PDZD2: variants seen among roughly 807,000 people sequenced by gnomAD.
The protein encoded by PDZD2 is PDZ domain-containing protein 2.
A neutral mutation model predicts 220.7 loss-of-function variants in PDZD2; 90 were observed. That is an observed-to-expected ratio of 0.41 (90% CI 0.34 to 0.49). The LOEUF (loss-of-function observed/expected upper bound fraction) is 0.49, where lower values mean the gene tolerates loss of function less well. Ranked by LOEUF, PDZD2 falls within the 20% of genes least tolerant of loss-of-function variation. The pLI, the probability that PDZD2 is intolerant of heterozygous loss-of-function variation, is 0.28. For synonymous variants in PDZD2, 1,375 were observed against 1,450.5 expected (o/e 0.95, Z 1.18); for missense variants, 3,174 against 3,608.5 (o/e 0.88, Z 3.08).
intron 1 of PDZD2, among the ~76,000 whole-genome samples, chr5:31,647,135 T>A (rs1745163496): frequency 6.6e-6 from 1 of 152,162 alleles, no homozygotes; most frequent in Non-Finnish European, 1.5e-5. Flanking sequence ...CCTGCTCAGC[T>A]TCCCAGGCTC....
intron 19 of PDZD2, among the ~76,000 whole-genome samples, chr5:32,081,771 G>C (rs1581446410): frequency 6.6e-6 from 1 of 152,178 alleles, no homozygotes; most frequent in East Asian, 1.9e-4. Flanking sequence ...GCCCAGGCTG[G>C]AGTGCAGTGG....
chr5:31,749,086 TGG>T (rs33985236), intron 1 of PDZD2, among the ~76,000 whole-genome samples: 2,446 of 151,012 alleles, frequency 0.016, 35 homozygotes, highest in Non-Finnish European at 0.028. Context: ...CTCTATTTCA[TGG>T]GGGGGGGCCT....
chr5:31,846,265 C>G (rs1429683099), intron 2 of PDZD2, among the ~76,000 whole-genome samples: 2 of 152,224 alleles, frequency 1.3e-5, no homozygotes, highest in Non-Finnish European at 2.9e-5. Context: ...TCCCGAGTAG[C>G]TGGGATTACA....
In PDZD2 at chr5:31,786,822, T is replaced by A. The variant is rs528201719; in HGVS notation, c.-360-12067T>A. On this transcript the variant is annotated intron_variant, in intron 1 of 24. Coordinates refer to ENST00000438447, the MANE Select transcript of PDZD2 (RefSeq NM_178140.4). ...AGTGTATTACTGGCTCTTATAAATATTTGAATCATTGTTAATTAATGATGA... is the reference window on the plus strand; with the variant it reads ...AGTGTATTACTGGCTCTTATAAATAATTGAATCATTGTTAATTAATGATGA... 2.6e-5 allele frequency among the ~76,000 whole-genome samples: 4 copies of A among 152,292 alleles called. No homozygotes were observed. The South Asian group carries it at 8.3e-4, about 32-fold the overall frequency.
At chr5:31,711,680 T>G (rs1475893340) in intron 1 of PDZD2, among the ~76,000 whole-genome samples, 1 of 152,154 alleles carries the variant, frequency 6.6e-6, no homozygotes, top group Non-Finnish European at 1.5e-5. Flanking sequence ...TTTCCTCATC[T>G]ATAAAATGAG....
intron 2 of PDZD2, among the ~76,000 whole-genome samples, chr5:31,850,940 A>G (rs1168348751): frequency 1.3e-5 from 2 of 152,030 alleles, no homozygotes; most frequent in Non-Finnish European, 2.9e-5. Context: ...CTGGCCTCCC[A>G]AATTCTAAAG....
chr5:31,814,382 G>C (rs1193142381), intron 2 of PDZD2, among the ~76,000 whole-genome samples: 1 of 152,132 alleles, frequency 6.6e-6, no homozygotes, highest in Non-Finnish European at 1.5e-5. Context: ...ATGTACCCAA[G>C]GTAGGTAGGT....
chr5:32,001,392 G>C (rs1298609706), intron 5 of PDZD2, among the ~76,000 whole-genome samples: 1 of 152,150 alleles, frequency 6.6e-6, no homozygotes, highest in African/African-American at 2.4e-5. Flanking sequence ...TGTTGGAGCT[G>C]GAGGAGGCGC....
At chr5:32,097,016 A>C (rs927446406) in intron 21 of PDZD2, among the ~76,000 whole-genome samples, 4 of 151,434 alleles carry the variant, frequency 2.6e-5, no homozygotes, top group African/African-American at 9.7e-5. Flanking sequence ...TTGTAGAGAC[A>C]GGGTTTTGCC....
intron 1 of PDZD2, among the ~76,000 whole-genome samples, chr5:31,693,185 G>A (rs1747215153): frequency 6.6e-6 from 1 of 150,396 alleles, no homozygotes; most frequent in Non-Finnish European, 1.5e-5. Flanking sequence ...GGGGGTGGGA[G>A]GACAGGGAAA....
chr5:31,920,789 A>C (rs1189434625), intron 2 of PDZD2, among the ~76,000 whole-genome samples: 1 of 152,078 alleles, frequency 6.6e-6, no homozygotes, highest in Non-Finnish European at 1.5e-5. Flanking sequence ...TTTTCCCTCC[A>C]ACACTTGGCA....
In PDZD2 at chr5:31,799,352, G is replaced by C; in HGVS notation, c.104G>C (p.Cys35Ser). 1 of 1,614,206 alleles carries C rather than the reference G, an allele frequency of 6.2e-7. No homozygotes were observed. ...GGGGATGGGCCGGAGCAGCGGCTCT[G>C]CCAGGCGGCCATCCAGAAGCTGCAG... ...EGGDGPEQRL[C>S]QAAIQKLQEY... Residue 35 changes from cysteine (C) to serine (S), a missense_variant, in exon 2 of 25, where the codon TGC becomes TCC. This residue lies in a region of PDZD2 where 632 missense variants were observed against 708.1 expected (regional missense o/e 0.89). Transcript: ENST00000438447.
intron 2 of PDZD2, among the ~76,000 whole-genome samples, chr5:31,845,337 T>G (rs150026289): frequency 1.3e-5 from 2 of 152,356 alleles, no homozygotes; most frequent in African/African-American, 2.4e-5. Flanking sequence ...TTATGGGATT[T>G]GAACTTTAAA....
intron 1 of PDZD2, among the ~76,000 whole-genome samples, chr5:31,679,557 G>C (rs1199645167): frequency 6.6e-6 from 1 of 152,158 alleles, no homozygotes; most frequent in African/African-American, 2.4e-5. Flanking sequence ...GCCCAGGCTG[G>C]AGTGCAGTGG....
chr5:31,729,643 TCCA>T (rs1749399418), intron 1 of PDZD2, among the ~76,000 whole-genome samples: 1 of 152,204 alleles, frequency 6.6e-6, no homozygotes, highest in Non-Finnish European at 1.5e-5. Flanking sequence ...TTTTTGTCCA[TCCA>T]CCAACTTCAG....
intron 2 of PDZD2, chr5:31,823,186 A>G (rs917921091): frequency 1.7e-5 from 6 of 361,142 alleles, no homozygotes; most frequent in Non-Finnish European, 3.1e-5. Flanking sequence ...AAAAAAAGCA[A>G]GCATCTTTTG....
Position 32,073,825 on chromosome 5 carries a change from C to T in PDZD2, c.2726-7C>T. On this transcript the variant is annotated splice_polypyrimidine_tract_variant and splice_region_variant and intron_variant, in intron 17 of 24. Coordinates refer to ENST00000438447, the MANE Select transcript of PDZD2 (RefSeq NM_178140.4). ...TCACTTGACTTTTCTGTCCCCACCT[C>T]CACCAGCTCACAAGGAGCCTGGAAA... 1 of 1,594,374 alleles carries T rather than the reference C, an allele frequency of 6.3e-7. No homozygotes were observed.
chr5:32,057,700 C>A lies in PDZD2; in HGVS notation c.1946C>A (p.Thr649Lys). The change falls in exon 11 of 25, where the codon ACA becomes AAA. Residue 649 changes from threonine to lysine, a missense_variant. Transcript: ENST00000438447. ...AATGGAATACCAATAAAGGGCTTGA[C>A]ATTTCAAGAAGCCATTCATACCTTT... ...DVNGIPIKGL[T>K]FQEAIHTFKQ... 2 of 1,594,374 alleles carry A rather than the reference C, an allele frequency of 1.3e-6. No homozygotes were observed. The highest frequency in any genetic ancestry group is 1.7e-6 in the Non-Finnish European group (2 of 1,163,052).
At chr5:31,659,368 C>T (rs1041629048) in intron 1 of PDZD2, among the ~76,000 whole-genome samples, 2 of 152,078 alleles carry the variant, frequency 1.3e-5, no homozygotes, top group Non-Finnish European at 2.9e-5. Context: ...TAGACCCAAC[C>T]CTCCTCCTGA....
Sources: allele counts gnomAD v4.1 joint callset (sites outside exome capture counted in the v4.1 genomes callset), GRCh38; gene constraint gnomAD v4.1.1; regional missense constraint gnomAD v4.1.1; transcripts MANE v1.5; gene names NCBI Gene and HGNC (gene_info 2026-07-23, HGNC 2026-07-21).